The following CMIP variants were observed in gnomAD, a reference collection of about 807,000 sequenced individuals.
CMIP encodes C-Maf-inducing protein.
CMIP carries 13 observed loss-of-function variants against 97.3 expected under a neutral mutation model. The observed-to-expected ratio is 0.13, with a 90% confidence interval of 0.09 to 0.21. CMIP has a LOEUF of 0.21. CMIP is among the 10% of genes least tolerant of loss of function. The pLI is 1.00. For missense variants in CMIP, 847 were observed against 1,024.9 expected (o/e 0.83, Z 2.37); for synonymous variants, 538 against 436.3 (o/e 1.23, Z -2.91).
intron 3 of CMIP, among the ~76,000 whole-genome samples, chr16:81,632,537 T>C (rs191744168): frequency 1.3e-5 from 2 of 152,374 alleles, no homozygotes; most frequent in Admixed American, 1.3e-4. Flanking sequence ...GATGGAACTT[T>C]AGATCCTTTA....
At chr16:81,560,835 C>A (rs1467603286) in intron 1 of CMIP, among the ~76,000 whole-genome samples, 2 of 152,186 alleles carry the variant, frequency 1.3e-5, no homozygotes, top group South Asian at 2.1e-4. Flanking sequence ...TGTAGCCCAG[C>A]CATAGGTGTG....
At chr16:81,549,106 A>G (rs1262562696) in intron 1 of CMIP, among the ~76,000 whole-genome samples, 1 of 152,198 alleles carries the variant, frequency 6.6e-6, no homozygotes, top group Non-Finnish European at 1.5e-5. Flanking sequence ...GATGTGTAGT[A>G]GGTAGTCAGG....
chr16:81,583,012 C>G (rs563134395), intron 1 of CMIP, among the ~76,000 whole-genome samples: 1 of 152,134 alleles, frequency 6.6e-6, no homozygotes, highest in Non-Finnish European at 1.5e-5. Context: ...AAAGGCTACT[C>G]CCTGCCATCT....
chr16:81,461,668 C>T (rs753179095), intron 1 of CMIP, among the ~76,000 whole-genome samples: 4 of 152,222 alleles, frequency 2.6e-5, no homozygotes, highest in Non-Finnish European at 4.4e-5. Context: ...AGGGTGTTCG[C>T]TCTTAAGAGA....
intron 1 of CMIP, among the ~76,000 whole-genome samples, chr16:81,524,460 C>T (rs1471449105): frequency 1.3e-5 from 2 of 152,236 alleles, no homozygotes; most frequent in Non-Finnish European, 2.9e-5. Context: ...TCATCTGTAA[C>T]GTGTTAGCCA....
chr16:81,554,412 G>C (rs1567575943), intron 1 of CMIP, among the ~76,000 whole-genome samples: 1 of 152,194 alleles, frequency 6.6e-6, no homozygotes, highest in Non-Finnish European at 1.5e-5. Context: ...CATCCGTTCT[G>C]CTACTTCTCA....
At chr16:81,658,629 C>G (rs538231212) in intron 5 of CMIP, among the ~76,000 whole-genome samples, 14 of 152,332 alleles carry the variant, frequency 9.2e-5, no homozygotes, top group Non-Finnish European at 1.9e-4. Flanking sequence ...AGAGAAGAAA[C>G]AAAATGTGCA....
At chr16:81,486,837 G>C (rs571296140) in intron 1 of CMIP, among the ~76,000 whole-genome samples, 2 of 152,268 alleles carry the variant, frequency 1.3e-5, no homozygotes, top group Non-Finnish European at 2.9e-5. Flanking sequence ...GTAAATGAGT[G>C]AGTTGTTCTT....
intron 1 of CMIP, among the ~76,000 whole-genome samples, chr16:81,525,251 C>G (rs538507756): frequency 3.0e-3 from 456 of 152,238 alleles, no homozygotes; most frequent in African/African-American, 0.011. Flanking sequence ...TGAAGCGATT[C>G]TCATGTCTCA....
At chr16:81,648,879 C>T (rs1001403903) in intron 3 of CMIP, among the ~76,000 whole-genome samples, 1 of 146,972 alleles carries the variant, frequency 6.8e-6, no homozygotes, top group Non-Finnish European at 1.5e-5. Context: ...TCTTTAGGAA[C>T]GTCAACTCTG....
chr16:81,463,282 A>G (rs888009614), intron 1 of CMIP, among the ~76,000 whole-genome samples: 7 of 152,066 alleles, frequency 4.6e-5, no homozygotes, highest in African/African-American at 1.7e-4. Context: ...CTTTAGCCAC[A>G]CCCTAGAGCA....
chr16:81,641,444 C>T (rs936540028), intron 3 of CMIP, among the ~76,000 whole-genome samples: 12 of 152,178 alleles, frequency 7.9e-5, no homozygotes, highest in African/African-American at 2.9e-4. Flanking sequence ...GCTCAAACAG[C>T]ATCTGCGTGA....
In CMIP at chr16:81,672,100, G is replaced by A. The variant is rs139610443; in HGVS notation, c.1034+30G>A. 827 of 1,369,762 alleles carry A rather than the reference G, an allele frequency of 6.0e-4. 6 individuals are homozygous for A. The African/African-American group carries it at 9.9e-3, about 16-fold the overall frequency. The allele number at this position is 1,369,762 out of a possible 1,614,324, so 84.9% of individuals were successfully genotyped here. On this transcript the variant is annotated intron_variant, in intron 9 of 20. Transcript: ENST00000537098. ...GTTGCTGAACCACCGCCACCCAGAG[G>A]GCTTGGGAGGGGCAAACTGCCACCC...
chr16:81,656,978 G>C (rs2092490211), intron 4 of CMIP, among the ~76,000 whole-genome samples: 1 of 152,058 alleles, frequency 6.6e-6, no homozygotes, highest in African/African-American at 2.4e-5. Flanking sequence ...ACGTTCATTG[G>C]AGAGTTTCAG....
intron 9 of CMIP, among the ~76,000 whole-genome samples, chr16:81,675,014 C>T (rs1015011132): frequency 2.0e-5 from 3 of 152,132 alleles, no homozygotes; most frequent in African/African-American, 7.2e-5. Flanking sequence ...CCTCCCAGTG[C>T]CATTCTGATT....
chr16:81,705,582 C>T lies in CMIP; in HGVS notation c.2175C>T (p.Asp725=), dbSNP rs745761616. 4.4e-5 allele frequency: 70 copies of T among 1,605,390 alleles called. No individual in the cohort carries two copies. Among genetic ancestry groups the T allele is most frequent in the East Asian group, 2.5e-4 (11 of 44,624 alleles). ...VLNLCETPVT[D]AGLLALSSMK... ...ACCTGTGCGAGACCCCGGTCACAGACGCTGGCCTGCTGGCCCTGAGCTGTG... is the reference window on the plus strand; with the variant it reads ...ACCTGTGCGAGACCCCGGTCACAGATGCTGGCCTGCTGGCCCTGAGCTGTG... The change falls in exon 19 of 21, where the codon GAC becomes GAT. Residue 725 remains aspartate (D), a synonymous_variant. Coordinates refer to ENST00000537098, the MANE Select transcript of CMIP (RefSeq NM_198390.3).
chr16:81,548,119 A>C (rs2150850576), intron 1 of CMIP, among the ~76,000 whole-genome samples: 2 of 148,700 alleles, frequency 1.3e-5, no homozygotes, highest in Non-Finnish European at 3.0e-5. Flanking sequence ...CTGACATCTA[A>C]GGATGGATCA....
intron 1 of CMIP, among the ~76,000 whole-genome samples, chr16:81,468,938 T>C (rs530594763): frequency 7.9e-5 from 12 of 152,240 alleles, no homozygotes; most frequent in Admixed American, 2.0e-4. Context: ...GCCTGCATGC[T>C]GGCCTTGGGA....
At chr16:81,661,365 A>G (rs1363831561) in intron 6 of CMIP, among the ~76,000 whole-genome samples, 1 of 152,200 alleles carries the variant, frequency 6.6e-6, no homozygotes, top group African/African-American at 2.4e-5. Flanking sequence ...GGAGCTGTGG[A>G]GCAGGGCATC....
Sources: allele counts gnomAD v4.1 joint callset (sites outside exome capture counted in the v4.1 genomes callset), GRCh38; gene constraint gnomAD v4.1.1; transcripts MANE v1.5; gene names NCBI Gene and HGNC (gene_info 2026-07-23, HGNC 2026-07-21).